The following DNAH11 variants were observed in gnomAD, a reference collection of about 807,000 sequenced individuals.
DNAH11 encodes dynein axonemal heavy chain 11, also known as axonemal beta dynein heavy chain 11.
In DNAH11, 442 loss-of-function variants were observed where a neutral mutation model predicts 526.0. The observed-to-expected ratio is 0.84, with a 90% CI of 0.78 to 0.91. The LOEUF is 0.91. Ranked by LOEUF, DNAH11 falls within the 40% of genes least tolerant of loss-of-function variation. The pLI, the probability that DNAH11 is intolerant of heterozygous loss-of-function variation, is 0.00. For synonymous variants in DNAH11, 2,461 were observed against 1,935.9 expected, an observed-to-expected ratio of 1.27 and a Z score of -7.12; for missense variants, 6,989 against 5,448.7, an observed-to-expected ratio of 1.28 and a Z score of -8.90.
At chr7:21,579,689 C>A (rs1285414892) in intron 8 of DNAH11, among the ~76,000 whole-genome samples, 1 of 152,092 alleles carries the variant, frequency 6.6e-6, no homozygotes, top group Non-Finnish European at 1.5e-5. Context: ...TATGCTAAGA[C>A]CTTTGGACGT....
At chr7:21,623,990 A>G (rs1191264665) in intron 25 of DNAH11, among the ~76,000 whole-genome samples, 1 of 151,066 alleles carries the variant, frequency 6.6e-6, no homozygotes, top group African/African-American at 2.4e-5. Flanking sequence ...AATAAAAATA[A>G]AAAATAAAAA....
chr7:21,880,756 C>T lies in DNAH11; in HGVS notation c.12250C>T (p.Leu4084Phe). 6.2e-7 allele frequency: 1 copy of T among 1,613,924 alleles called. No homozygotes were observed. The highest frequency in any genetic ancestry group is 8.5e-7 in the Non-Finnish European group (1 of 1,179,860). ...EQEFKSILFS[L>F]CYFHACVAGR... Reference sequence around the variant, plus strand: ...GGAGTTTAAAAGCATCCTTTTTTCTCTCTGCTACTTCCACGCCTGTGTTGC... The same window carrying T: ...GGAGTTTAAAAGCATCCTTTTTTCTTTCTGCTACTTCCACGCCTGTGTTGC... The change falls in exon 75 of 82, where the codon CTC becomes TTC. Residue 4084 changes from leucine (L) to phenylalanine (F), a missense_variant. Coordinates refer to ENST00000409508, the MANE Select transcript of DNAH11 (RefSeq NM_001277115.2).
chr7:21,740,060 T>G (rs572416088), intron 48 of DNAH11, among the ~76,000 whole-genome samples: 2 of 152,256 alleles, frequency 1.3e-5, no homozygotes, highest in African/African-American at 4.8e-5. Context: ...CCAGGGGCTT[T>G]TGACAGACAT....
chr7:21,847,070 C>A (rs1395745195), intron 66 of DNAH11, among the ~76,000 whole-genome samples: 1 of 152,026 alleles, frequency 6.6e-6, no homozygotes, highest in Non-Finnish European at 1.5e-5. Context: ...GTAATTGGTG[C>A]CTTCTCTTGT....
chr7:21,753,337 G>A (rs1319458255), intron 54 of DNAH11, among the ~76,000 whole-genome samples: 1 of 152,150 alleles, frequency 6.6e-6, no homozygotes, highest in Non-Finnish European at 1.5e-5. Flanking sequence ...GCTGCCTCCG[G>A]CTACTAAGGA....
At chr7:21,669,594 A>G (rs1214690234) in intron 30 of DNAH11, among the ~76,000 whole-genome samples, 1 of 151,956 alleles carries the variant, frequency 6.6e-6, no homozygotes, top group Non-Finnish European at 1.5e-5. Context: ...GATGCAGTGT[A>G]GTGTATCACA....
intron 34 of DNAH11, among the ~76,000 whole-genome samples, chr7:21,688,823 A>T (rs975464452): frequency 6.6e-6 from 1 of 152,240 alleles, no homozygotes; most frequent in Non-Finnish European, 1.5e-5. Flanking sequence ...TGATGGCTTA[A>T]TTTGAGAAAT....
rs1472237118 is a variant in DNAH11, at chr7:21,564,410, A to G, written c.1194+13A>G. The G allele has an allele frequency of 6.3e-7, 1 of 1,588,148 alleles. No homozygotes were observed. The highest frequency in any genetic ancestry group is 1.7e-5 in the Admixed American group (1 of 59,164). On this transcript the variant is annotated intron_variant, in intron 6 of 81. Transcript: ENST00000409508. The stretch of plus-strand genomic sequence containing the variant: ...CTTCATTAACCAGGTATGAAGCATC[A>G]AAAAACAGGAACAATAAGAATTGTT...
At chr7:21,554,377 G>A (rs1441440015) in intron 2 of DNAH11, among the ~76,000 whole-genome samples, 1 of 152,042 alleles carries the variant, frequency 6.6e-6, no homozygotes, top group Non-Finnish European at 1.5e-5. Context: ...GTTTTGCCAT[G>A]TTGGCTAGGC....
At chr7:21,781,204 G>T (rs1474680125) in intron 57 of DNAH11, among the ~76,000 whole-genome samples, 1 of 152,156 alleles carries the variant, frequency 6.6e-6, no homozygotes, top group East Asian at 1.9e-4. Context: ...TCAAACATGA[G>T]CAGTAATTTA....
chr7:21,556,382 C>A (rs1783218491), intron 2 of DNAH11, among the ~76,000 whole-genome samples: 1 of 152,184 alleles, frequency 6.6e-6, no homozygotes, highest in Non-Finnish European at 1.5e-5. Flanking sequence ...AAACAGTACC[C>A]AGTACGTTAG....
At chr7:21,654,852 C>T (rs1041459428) in intron 28 of DNAH11, among the ~76,000 whole-genome samples, 1 of 152,154 alleles carries the variant, frequency 6.6e-6, no homozygotes, top group Admixed American at 6.6e-5. Context: ...ACCTACACAA[C>T]ACATGTCATT....
chr7:21,646,780 G>A (rs1461173436), intron 28 of DNAH11, among the ~76,000 whole-genome samples: 1 of 152,144 alleles, frequency 6.6e-6, no homozygotes, highest in Non-Finnish European at 1.5e-5. Context: ...CACTGCTCTA[G>A]TCCCACCAAA....
At chr7:21,840,985 C>T (rs998434022) in intron 65 of DNAH11, among the ~76,000 whole-genome samples, 18 of 152,210 alleles carry the variant, frequency 1.2e-4, no homozygotes, top group Middle Eastern at 3.4e-3. Context: ...AGTTGGAGAC[C>T]AGCCTGACCA....
intron 46 of DNAH11, 150 bp from the exon 47 acceptor site, chr7:21,738,551 C>A: frequency 1.4e-6 from 1 of 702,458 alleles, no homozygotes; most frequent in Non-Finnish European, 2.3e-6. Flanking sequence ...GGGCCAGAGA[C>A]ACATCCCGGG....
intron 29 of DNAH11, among the ~76,000 whole-genome samples, chr7:21,657,499 G>GCTGA: frequency 6.6e-6 from 1 of 152,280 alleles, no homozygotes; most frequent in Admixed American, 6.5e-5. Context: ...CTGTACGTGA[G>GCTGA]CTGACATATT....
At chr7:21,557,922 A>G (rs897164210) in intron 2 of DNAH11, among the ~76,000 whole-genome samples, 2 of 152,286 alleles carry the variant, frequency 1.3e-5, no homozygotes, top group African/African-American at 4.8e-5. Context: ...CTTGACATGT[A>G]ATGGGTGCTA....
intron 61 of DNAH11, among the ~76,000 whole-genome samples, chr7:21,793,399 T>A (rs993663626): frequency 6.6e-6 from 1 of 151,934 alleles, no homozygotes; most frequent in African/African-American, 2.4e-5. Context: ...GGGCAGATCA[T>A]GAGGTCAGGA....
At chr7:21,697,797 A>G (rs959207648) in intron 35 of DNAH11, among the ~76,000 whole-genome samples, 2 of 152,166 alleles carry the variant, frequency 1.3e-5, no homozygotes, top group Non-Finnish European at 2.9e-5. Context: ...TGCAGTGACA[A>G]CTTACACCAG....
Sources: gnomAD v4.1 joint callset for allele counts (sites outside exome capture counted in the v4.1 genomes callset) on GRCh38, gnomAD v4.1.1 for gene constraint, MANE v1.5 for transcripts, NCBI Gene and HGNC (gene_info 2026-07-23, HGNC 2026-07-21) for gene names.